LRBA: variants seen among roughly 807,000 people sequenced by gnomAD.
The protein encoded by LRBA is lipopolysaccharide-responsive and beige-like anchor protein.
Under a neutral mutation model 330.0 loss-of-function variants are expected in LRBA, and 176 were observed. The observed-to-expected ratio is 0.53, with a 90% CI of 0.47 to 0.60. The LOEUF is 0.60. Ranked by LOEUF, LRBA falls within the 20% of genes least tolerant of loss-of-function variation. The pLI is 0.00. For missense variants in LRBA, 3,259 were observed against 3,444.8 expected (o/e 0.95, Z 1.35); for synonymous variants, 1,230 against 1,193.0 (o/e 1.03, Z -0.64).
intron 40 of LRBA, among the ~76,000 whole-genome samples, chr4:150,541,659 T>A (rs904984081): frequency 1.3e-5 from 2 of 152,198 alleles, no homozygotes; most frequent in Non-Finnish European, 2.9e-5. Flanking sequence ...TTCAACTATA[T>A]ACTATCTACA....
intron 48 of LRBA, among the ~76,000 whole-genome samples, chr4:150,340,909 G>T (rs1735447029): frequency 1.3e-5 from 2 of 152,156 alleles, no homozygotes; most frequent in African/African-American, 4.8e-5. Context: ...TGCAGGGCCA[G>T]ATCATGTGAG....
intron 37 of LRBA, among the ~76,000 whole-genome samples, chr4:150,613,508 T>C (rs997780904): frequency 6.6e-6 from 1 of 152,218 alleles, no homozygotes; most frequent in African/African-American, 2.4e-5. Context: ...TCCAGAATTT[T>C]TGGAGCGGCA....
intron 22 of LRBA, among the ~76,000 whole-genome samples, chr4:150,867,333 G>GA (rs1440073693): frequency 1.3e-5 from 2 of 151,604 alleles, no homozygotes; most frequent in South Asian, 2.1e-4. Context: ...GGGCTTCCTC[G>GA]AAAAAAAATA....
chr4:150,534,378 T>TAA, intron 40 of LRBA, among the ~76,000 whole-genome samples: 1 of 143,556 alleles, frequency 7.0e-6, no homozygotes, highest in African/African-American at 2.6e-5. Flanking sequence ...ATAATAATAA[T>TAA]TTTTTTTAAA....
intron 17 of LRBA, among the ~76,000 whole-genome samples, chr4:150,888,063 A>G (rs1457291393): frequency 2.6e-5 from 4 of 152,130 alleles, no homozygotes; most frequent in Non-Finnish European, 5.9e-5. Flanking sequence ...AAAGATTTCA[A>G]TAACCACAGA....
chr4:150,936,003 C>T (rs1236583927), intron 2 of LRBA, among the ~76,000 whole-genome samples: 1 of 149,780 alleles, frequency 6.7e-6, no homozygotes, highest in Admixed American at 6.6e-5. Flanking sequence ...AAAGTATTTT[C>T]AATTTGGTGA....
At position 150,372,945 on chromosome 4, in the gene LRBA, T is replaced by C. The variant is rs528421342; in HGVS notation, c.7195-22786A>G. 7.7e-4 allele frequency among the ~76,000 whole-genome samples: 117 copies of C among 152,002 alleles called. No individual in the cohort carries two copies. The South Asian group carries it at 0.011, about 14-fold the overall frequency. On this transcript the variant is annotated intron_variant, in intron 47 of 56. Transcript: ENST00000651943. The stretch of plus-strand genomic sequence containing the variant: ...TCCCTCCTCCTCTCTTTTGAATCAT[T>C]TGATCTGAGAAATGCTCCATATGGT...
At chr4:150,745,129 C>T (rs1732513922) in intron 35 of LRBA, among the ~76,000 whole-genome samples, 1 of 152,094 alleles carries the variant, frequency 6.6e-6, no homozygotes, top group South Asian at 2.1e-4. Flanking sequence ...AAATTTGTGA[C>T]CCCAAGCTCC....
intron 2 of LRBA, among the ~76,000 whole-genome samples, chr4:150,951,633 A>G (rs1490930279): frequency 6.6e-6 from 1 of 152,198 alleles, no homozygotes; most frequent in Non-Finnish European, 1.5e-5. Flanking sequence ...TCTACAAAGT[A>G]CTCTAACCAT....
At chr4:150,454,163 G>A (rs1378203821) in intron 44 of LRBA, among the ~76,000 whole-genome samples, 1 of 152,008 alleles carries the variant, frequency 6.6e-6, no homozygotes, top group Non-Finnish European at 1.5e-5. Context: ...GTTTTACCAT[G>A]TTGGCCAGGA....
intron 33 of LRBA, among the ~76,000 whole-genome samples, chr4:150,799,829 C>T (rs1460456877): frequency 6.6e-6 from 1 of 152,192 alleles, no homozygotes; most frequent in East Asian, 1.9e-4. Flanking sequence ...ACCACAACCT[C>T]CACCTCCCAG....
Position 150,849,586 on chromosome 4 carries a change from A to G in LRBA, c.4005-11T>C, listed in dbSNP as rs956329275. ...GTCTTTGTTGAATGGCTGTCCAAAG[A>G]TAAATGATATTTACTGATAAAGCTA... On this transcript the variant is annotated splice_polypyrimidine_tract_variant and intron_variant, in intron 24 of 56. Transcript: ENST00000651943. 3.1e-6 allele frequency: 5 copies of G among 1,605,816 alleles called. No individual in the cohort carries two copies. The highest frequency in any genetic ancestry group is 4.3e-6 in the Non-Finnish European group (5 of 1,173,312).
intron 31 of LRBA, among the ~76,000 whole-genome samples, chr4:150,815,362 A>G (rs980385229): frequency 3.3e-5 from 5 of 151,724 alleles, no homozygotes; most frequent in African/African-American, 1.2e-4. Flanking sequence ...GGAAAAAAAA[A>G]AAAGAGGCAT....
intron 47 of LRBA, among the ~76,000 whole-genome samples, chr4:150,411,292 T>A (rs961870751): frequency 6.6e-6 from 1 of 152,192 alleles, no homozygotes; most frequent in African/African-American, 2.4e-5. Flanking sequence ...AAACTGAGGA[T>A]AAGAGTCGTT....
chr4:150,317,414 C>G (rs568604142), intron 50 of LRBA, among the ~76,000 whole-genome samples: 1 of 152,142 alleles, frequency 6.6e-6, no homozygotes, highest in African/African-American at 2.4e-5. Context: ...TGATAAAACA[C>G]CTAAGTACAG....
chr4:150,916,596 A>T, intron 6 of LRBA, 21 bp downstream of exon 6: 1 of 1,601,356 alleles, frequency 6.2e-7, no homozygotes, highest in Non-Finnish European at 8.5e-7. Flanking sequence ...TTTAACACTA[A>T]TCAGTTACAG....
chr4:150,534,823 T>C (rs1764471647), intron 40 of LRBA, among the ~76,000 whole-genome samples: 1 of 152,190 alleles, frequency 6.6e-6, no homozygotes, highest in Admixed American at 6.5e-5. Flanking sequence ...TGCCATTGTC[T>C]ATAAAAAATG....
At chr4:150,497,430 G>C (rs536883674) in intron 40 of LRBA, among the ~76,000 whole-genome samples, 83 of 152,074 alleles carry the variant, frequency 5.5e-4, no homozygotes, top group Non-Finnish European at 9.7e-4. Flanking sequence ...GTATATCCAT[G>C]AACACTTAGA....
chr4:150,375,584 G>A (rs927039140), intron 47 of LRBA, among the ~76,000 whole-genome samples: 4 of 150,828 alleles, frequency 2.7e-5, no homozygotes, highest in Non-Finnish European at 5.9e-5. Context: ...TCAGCCTCCC[G>A]AGTAGCTGGG....
Sources: gnomAD v4.1 joint callset for allele counts (sites outside exome capture counted in the v4.1 genomes callset) on GRCh38, gnomAD v4.1.1 for gene constraint, MANE v1.5 for transcripts, NCBI Gene and HGNC (gene_info 2026-07-23, HGNC 2026-07-21) for gene names.